Variants in WNK2 observed in about 807,000 individuals in gnomAD.
WNK2 encodes WNK lysine deficient protein kinase 2.
Under a neutral mutation model 192.1 loss-of-function variants are expected in WNK2, and 67 were observed. That is an observed-to-expected ratio of 0.35 (90% CI 0.29 to 0.43). The LOEUF (loss-of-function observed/expected upper bound fraction) is 0.43, where lower values mean the gene tolerates loss of function less well. Ranked by LOEUF, WNK2 falls within the 20% of genes least tolerant of loss-of-function variation. The pLI is 1.00. For missense variants in WNK2, 2,698 were observed against 3,089.7 expected (o/e 0.87, Z 3.01); for synonymous variants, 1,439 against 1,393.9 (o/e 1.03, Z -0.72).
In WNK2 at chr9:93,259,313, C is replaced by G; in HGVS notation, c.2765C>G (p.Thr922Ser). 1 of 1,613,724 alleles carries G rather than the reference C, an allele frequency of 6.2e-7. No individual in the cohort carries two copies. Among genetic ancestry groups the G allele is most frequent in the Middle Eastern group, 1.6e-4 (1 of 6,062 alleles). ...GCGGCCTTCCCACAGATGGCGCCTA[C>G]TGACGTCCCTCCTTCCCCCCATCAC... is the stretch of plus-strand genomic sequence containing the variant. ...YPAAFPQMAP[T>S]DVPPSPHHTV... Residue 922 changes from threonine (T) to serine (S), a missense_variant, in exon 12 of 30, where the codon ACT (threonine) becomes AGT (serine). Thr to Ser is a moderately conservative substitution (Grantham distance 58). This residue lies in a region of WNK2 where 893 missense variants were observed against 909.0 expected (regional missense o/e 0.98). Transcript: ENST00000427277. The surrounding 1 kb of genome is among the most constrained non-coding windows in gnomAD (Gnocchi z 4.8).
rs766312282 is a variant in WNK2 at position 93,290,001 on chromosome 9, C to A, written c.4890C>A (p.Pro1630=). The change falls in exon 21 of 30, where the codon CCC becomes CCA. Residue 1630 remains proline, a synonymous_variant. Coordinates refer to ENST00000427277, the MANE Select transcript of WNK2 (RefSeq NM_006648.4). ...AGGTGGAGAAGTCAGAACTGGCCCCCACTCGAGGGGCCGTGATGGAGCAGG... is the reference window on the plus strand; with the variant it reads ...AGGTGGAGAAGTCAGAACTGGCCCCAACTCGAGGGGCCGTGATGGAGCAGG... ...QPLVEKSELA[P]TRGAVMEQGT... 1.3e-6 allele frequency: 2 copies of A among 1,578,032 alleles called. No individual in the cohort carries two copies. The highest frequency in any genetic ancestry group is 1.8e-5 in the Admixed American group (1 of 55,462).
At chr9:93,256,175 C>A in intron 9 of WNK2, 124 bp from the exon 10 acceptor site, 2 of 1,198,458 alleles carry the variant, frequency 1.7e-6, no homozygotes, top group Non-Finnish European at 1.1e-6. Context: ...CTGTCATGTT[C>A]CTGGGAAGAG....
rs1843920257 is a variant in WNK2, at chr9:93,259,784, G to A, written c.3066+170G>A. On this transcript the variant is annotated intron_variant, in intron 12 of 29. Transcript: ENST00000427277. This position sits in a 1 kb window ranked among gnomAD's most constrained non-coding sequence, Gnocchi z 4.8. ...GAGGCGGGGGCTGGCGCCAGCGCGAGGCATCTGCATCTCTTCCGTTTTCCG... is the reference window on the plus strand; with the variant it reads ...GAGGCGGGGGCTGGCGCCAGCGCGAAGCATCTGCATCTCTTCCGTTTTCCG... 6.6e-6 allele frequency among the ~76,000 whole-genome samples: 1 copy of A among 152,186 alleles called. No individual in the cohort carries two copies. The highest frequency in any genetic ancestry group is 2.1e-4 in the South Asian group (1 of 4,830).
At position 93,320,498 on chromosome 9, in the gene WNK2, T is replaced by C; in HGVS notation, c.*106T>C. Reference sequence around the variant, plus strand: ...CAGTTCACGCTGTTTTGTAACCACTTTCTAAGCATTTTTTATTCACAATTG... The same window carrying C: ...CAGTTCACGCTGTTTTGTAACCACTCTCTAAGCATTTTTTATTCACAATTG... On this transcript the variant is annotated 3_prime_UTR_variant, in exon 30 of 30. Coordinates refer to ENST00000427277, the MANE Select transcript of WNK2 (RefSeq NM_006648.4). 3 of 1,183,352 alleles carry C rather than the reference T, an allele frequency of 2.5e-6. No individual in the cohort carries two copies. The Admixed American group carries it at 6.6e-5, about 26-fold the overall frequency. 73.3% of individuals were successfully genotyped at this position (1,183,352 alleles called of 1,614,324 possible).
intron 25 of WNK2, among the ~76,000 whole-genome samples, chr9:93,299,845 G>A (rs944044500): frequency 4.3e-5 from 2 of 47,048 alleles, no homozygotes; most frequent in Admixed American, 2.3e-4. Context: ...CACCCTGCCC[G>A]CCCCTCTCCG....
chr9:93,257,018 C>T lies in WNK2; in HGVS notation c.2261C>T (p.Pro754Leu), dbSNP rs747413805. 6.9e-6 allele frequency: 11 copies of T among 1,603,140 alleles called. No homozygotes were observed. The highest frequency in any genetic ancestry group is 8.5e-6 in the Non-Finnish European group (10 of 1,177,556). ...CCACAGCCCGTGGTCCCCCTCCAGC[C>T]GGTTCCCCCCCACCTGCCACCGTAC... Reference protein sequence around the residue: ...LAPQPVVPLQPVPPHLPPYLA... With the variant: ...LAPQPVVPLQLVPPHLPPYLA... Residue 754 changes from proline (P) to leucine (L), a missense_variant, in exon 11 of 30, where the codon CCG becomes CTG. Pro to Leu is a moderately conservative substitution (Grantham distance 98). Transcript: ENST00000427277. The surrounding 1 kb of genome is among the most constrained non-coding windows in gnomAD (Gnocchi z 4.7).
chr9:93,309,717 C>T (rs1421401230), intron 28 of WNK2, among the ~76,000 whole-genome samples: 3 of 152,020 alleles, frequency 2.0e-5, no homozygotes, highest in Non-Finnish European at 4.4e-5. Context: ...TTGTATGTTT[C>T]ATTAATTTAT....
chr9:93,203,812 C>A (rs112894230), intron 2 of WNK2, among the ~76,000 whole-genome samples: 2,744 of 152,164 alleles, frequency 0.018, 40 homozygotes, highest in Admixed American at 0.022. Flanking sequence ...GTGTTGGAAG[C>A]CCTGTGTGTG....
chr9:93,197,277 C>A (rs556370731), intron 2 of WNK2, among the ~76,000 whole-genome samples: 1 of 152,294 alleles, frequency 6.6e-6, no homozygotes, highest in Non-Finnish European at 1.5e-5. Context: ...ACCTCCACCC[C>A]CTGCCGTGCT....
intron 10 of WNK2, 34 bp from the exon 11 acceptor site, chr9:93,256,911 TTGG>T: frequency 6.6e-7 from 1 of 1,519,522 alleles, no homozygotes; most frequent in Non-Finnish European, 8.8e-7. Flanking sequence ...TCTGGGCAGA[TTGG>T]TGGTCTAAGG....
intron 8 of WNK2, among the ~76,000 whole-genome samples, chr9:93,249,225 G>A (rs1160609485): frequency 6.6e-6 from 1 of 152,170 alleles, no homozygotes; most frequent in Non-Finnish European, 1.5e-5. Context: ...CCTAGGATGG[G>A]AGTTTAAAAA....
At position 93,268,525 on chromosome 9, in the gene WNK2, T is replaced by A. The variant is rs572538999; in HGVS notation, c.3914-102T>A. The A allele has an allele frequency of 3.3e-4, 505 of 1,525,170 alleles. 5 individuals carry two copies. In the South Asian group the frequency reaches 4.2e-3, roughly 13 times the overall value. 94.5% of individuals were successfully genotyped at this position (1,525,170 alleles called of 1,614,324 possible). On this transcript the variant is annotated intron_variant, in intron 18 of 29. Transcript: ENST00000427277. ...AGAAAATCCCATAGGTGTAAAGGAG[T>A]TCACAGACCCACTGTGGCAAGTCTG... is the stretch of plus-strand genomic sequence containing the variant.
At chr9:93,302,237 TGAG>T (rs1378604949) in intron 26 of WNK2, among the ~76,000 whole-genome samples, 1 of 152,092 alleles carries the variant, frequency 6.6e-6, no homozygotes, top group African/African-American at 2.4e-5. Flanking sequence ...GCTGAGAGGC[TGAG>T]GACTTGGGCG....
At position 93,239,229 on chromosome 9, in the gene WNK2, C is replaced by T. The variant is rs1840331472; in HGVS notation, c.1323-528C>T. On this transcript the variant is annotated intron_variant, in intron 6 of 29. Coordinates refer to ENST00000427277, the MANE Select transcript of WNK2 (RefSeq NM_006648.4). The surrounding 1 kb of genome is among the most constrained non-coding windows in gnomAD (Gnocchi z 4.2). Reference sequence around the variant, plus strand: ...GGGCCCCCCCAGTTCTGCAGGTCCTCACTCTCCTCCAGCTCACCCTCTGCT... The same window carrying T: ...GGGCCCCCCCAGTTCTGCAGGTCCTTACTCTCCTCCAGCTCACCCTCTGCT... 6.6e-6 allele frequency among the ~76,000 whole-genome samples: 1 copy of T among 152,216 alleles called. No homozygotes were observed. Among genetic ancestry groups the T allele is most frequent in the South Asian group, 2.1e-4 (1 of 4,830 alleles).
At chr9:93,301,977 C>A (rs1235354797) in intron 26 of WNK2, among the ~76,000 whole-genome samples, 1 of 152,202 alleles carries the variant, frequency 6.6e-6, no homozygotes, top group Non-Finnish European at 1.5e-5. Flanking sequence ...CTCTCAAGCC[C>A]TGTCTGGATC....
chr9:93,250,299 G>T (rs985034462), intron 8 of WNK2, among the ~76,000 whole-genome samples: 5 of 151,950 alleles, frequency 3.3e-5, no homozygotes, highest in Non-Finnish European at 7.4e-5. Context: ...GCATGCAAAT[G>T]GACACATATG....
chr9:93,188,320 C>T (rs530774757), intron 2 of WNK2, among the ~76,000 whole-genome samples: 20 of 152,294 alleles, frequency 1.3e-4, no homozygotes, highest in South Asian at 4.1e-4. Flanking sequence ...ACGGGAGAAA[C>T]GCCTTCATGT....
At position 93,257,841 on chromosome 9, in the gene WNK2, A is replaced by G. The variant is rs566288948; in HGVS notation, c.2382+702A>G. Among the ~76,000 whole-genome samples, 2 of 152,308 alleles carry G rather than the reference A, an allele frequency of 1.3e-5. No individual in the cohort carries two copies. The highest frequency in any genetic ancestry group is 4.1e-4 in the South Asian group (2 of 4,824). ...TCTTTCACTCGAGGGACCTGACTGC[A>G]TGTAACTGGTGCAGAATGTAGCCGG... On this transcript the variant is annotated intron_variant, in intron 11 of 29. Transcript: ENST00000427277. This position sits in a 1 kb window ranked among gnomAD's most constrained non-coding sequence, Gnocchi z 4.7.
chr9:93,252,702 C>G (rs551593457), intron 8 of WNK2, among the ~76,000 whole-genome samples, 181 bp from the exon 9 acceptor site: 1 of 152,166 alleles, frequency 6.6e-6, no homozygotes, highest in African/African-American at 2.4e-5. Context: ...AGTGGGGCAC[C>G]GTGACAGCAT....
Sources: allele counts gnomAD v4.1 joint callset (sites outside exome capture counted in the v4.1 genomes callset), GRCh38; gene constraint gnomAD v4.1.1; regional missense constraint gnomAD v4.1.1; non-coding constraint Gnocchi (gnomAD v3.1); transcripts MANE v1.5; gene names NCBI Gene and HGNC (gene_info 2026-07-23, HGNC 2026-07-21).